PPP6R3: variants seen among roughly 807,000 people sequenced by gnomAD.
PPP6R3 encodes protein phosphatase 6 regulatory subunit 3.
A neutral mutation model predicts 110.7 loss-of-function variants in PPP6R3; 38 were observed. The observed-to-expected ratio is 0.34, with a 90% CI of 0.26 to 0.45. PPP6R3 has a LOEUF of 0.45. Ranked by LOEUF, PPP6R3 falls within the 20% of genes least tolerant of loss-of-function variation. PPP6R3 has a pLI of 1.00. For missense variants in PPP6R3, 870 were observed against 1,062.4 expected, an observed-to-expected ratio of 0.82 and a Z score of 2.52; for synonymous variants, 369 against 373.5, an observed-to-expected ratio of 0.99 and a Z score of 0.14.
intron 2 of PPP6R3, among the ~76,000 whole-genome samples, chr11:68,522,301 A>C (rs2099167973): frequency 6.6e-6 from 1 of 152,238 alleles, no homozygotes; most frequent in Non-Finnish European, 1.5e-5. Flanking sequence ...AATCTGTATG[A>C]GAATGGAGAG....
chr11:68,610,515 G>A (rs1253484024), intron 23 of PPP6R3, among the ~76,000 whole-genome samples: 1 of 152,192 alleles, frequency 6.6e-6, no homozygotes, highest in Non-Finnish European at 1.5e-5. Context: ...GTGCTTAAGT[G>A]ACTCCCTGTA....
intron 3 of PPP6R3, among the ~76,000 whole-genome samples, chr11:68,544,324 T>G (rs1236558897): frequency 6.6e-6 from 1 of 152,222 alleles, no homozygotes; most frequent in East Asian, 1.9e-4. Context: ...TCTTAAGATG[T>G]AATATAGACT....
chr11:68,589,507 TC>T (rs2099588980), intron 16 of PPP6R3, among the ~76,000 whole-genome samples: 1 of 152,218 alleles, frequency 6.6e-6, no homozygotes. Flanking sequence ...TGGTCTAGCA[TC>T]TGACATTGGG....
chr11:68,564,542 C>T, intron 9 of PPP6R3, 110 bp downstream of exon 9: 1 of 1,208,590 alleles, frequency 8.3e-7, no homozygotes. Flanking sequence ...TCTGCATGTA[C>T]AAAATGAGTG....
At chr11:68,542,371 G>A (rs1158256969) in intron 3 of PPP6R3, among the ~76,000 whole-genome samples, 1 of 137,458 alleles carries the variant, frequency 7.3e-6, no homozygotes, top group African/African-American at 2.8e-5. Context: ...GGCATCTTTG[G>A]GTGCTTGAGA....
chr11:68,615,312 G>A lies in PPP6R3; in HGVS notation c.*2195G>A. On this transcript the variant is annotated 3_prime_UTR_variant, in exon 24 of 24. Transcript: ENST00000393800. ...CTGTATTCAAAATAACAAAAATAAA[G>A]CCTGATTCTTTGTTTCTAGAAATCT... 2.8e-6 allele frequency: 1 copy of A among 353,342 alleles called. No individual in the cohort carries two copies. The highest frequency in any genetic ancestry group is 5.6e-6 in the Non-Finnish European group (1 of 179,366). 21.9% of individuals were successfully genotyped at this position (353,342 alleles called of 1,614,324 possible).
intron 19 of PPP6R3, among the ~76,000 whole-genome samples, chr11:68,597,602 TGAG>T (rs2099617900): frequency 6.6e-6 from 1 of 151,728 alleles, no homozygotes; most frequent in African/African-American, 2.4e-5. Flanking sequence ...CAGGGAGGTG[TGAG>T]GAGGAGACAG....
At chr11:68,476,270 G>A (rs565150869) in intron 1 of PPP6R3, among the ~76,000 whole-genome samples, 66 of 152,258 alleles carry the variant, frequency 4.3e-4, no homozygotes, top group African/African-American at 1.2e-3. Context: ...AGACCAGCCC[G>A]GCCAACACAG....
Position 68,613,833 on chromosome 11 carries a change from T to A in PPP6R3, c.*716T>A, listed in dbSNP as rs1052563818. 1.9e-5 allele frequency: 19 copies of A among 985,720 alleles called. No individual in the cohort carries two copies. The highest frequency in any genetic ancestry group is 1.9e-5 in the Non-Finnish European group (16 of 829,894). The allele number at this position is 985,720 out of a possible 1,614,324, so 61.1% of individuals were successfully genotyped here. A position where few individuals can be genotyped will look rare whatever the true frequency, so the allele number is the denominator to read the frequency against. On this transcript the variant is annotated 3_prime_UTR_variant, in exon 24 of 24. Transcript: ENST00000393800. Reference sequence around the variant, plus strand: ...ATGTTCTGTTCAAGTCTTGTTTGCTTGAAATGATTATTCCTACAAGTGAAA... The same window carrying A: ...ATGTTCTGTTCAAGTCTTGTTTGCTAGAAATGATTATTCCTACAAGTGAAA...
intron 22 of PPP6R3, among the ~76,000 whole-genome samples, chr11:68,605,057 T>C (rs1345545652): frequency 6.6e-6 from 1 of 152,200 alleles, no homozygotes; most frequent in Non-Finnish European, 1.5e-5. Context: ...TTAGTAAAGC[T>C]GGCCGAGTGT....
At chr11:68,546,954 ATTAT>A (rs2099351529) in intron 4 of PPP6R3, among the ~76,000 whole-genome samples, 1 of 152,110 alleles carries the variant, frequency 6.6e-6, no homozygotes. Flanking sequence ...TTGTGAGTGA[ATTAT>A]TTATGTGTCA....
intron 11 of PPP6R3, 145 bp downstream of exon 11, chr11:68,570,042 T>G (rs2099496741): frequency 4.1e-6 from 3 of 725,090 alleles, no homozygotes; most frequent in Non-Finnish European, 6.3e-6. Flanking sequence ...CGTTTCACTT[T>G]TAACATATAA....
intron 23 of PPP6R3, among the ~76,000 whole-genome samples, chr11:68,610,923 T>C (rs1379328577): frequency 1.3e-5 from 2 of 151,816 alleles, no homozygotes; most frequent in Non-Finnish European, 2.9e-5. Flanking sequence ...GAGCACTCTT[T>C]GTTGGTCCAA....
intron 21 of PPP6R3, among the ~76,000 whole-genome samples, chr11:68,602,417 A>C (rs530844256): frequency 2.0e-5 from 3 of 152,186 alleles, no homozygotes; most frequent in Non-Finnish European, 4.4e-5. Flanking sequence ...CTAAAGTTCC[A>C]GTGGGTTTTC....
chr11:68,588,842 AT>A (rs1295554395), intron 16 of PPP6R3, among the ~76,000 whole-genome samples: 1 of 151,892 alleles, frequency 6.6e-6, no homozygotes, highest in Admixed American at 6.6e-5. Flanking sequence ...TTGTTATTAG[AT>A]TACACTTTTA....
intron 1 of PPP6R3, among the ~76,000 whole-genome samples, chr11:68,480,130 G>C (rs1247476617): frequency 6.6e-6 from 1 of 151,976 alleles, no homozygotes; most frequent in Non-Finnish European, 1.5e-5. Flanking sequence ...ACTCTGTTTA[G>C]ATCTTATATT....
At chr11:68,560,245 A>T (rs1006358155) in intron 8 of PPP6R3, among the ~76,000 whole-genome samples, 1 of 152,250 alleles carries the variant, frequency 6.6e-6, no homozygotes, top group African/African-American at 2.4e-5. Flanking sequence ...GAGAAAAATA[A>T]TACAGAATAT....
intron 9 of PPP6R3, among the ~76,000 whole-genome samples, chr11:68,565,787 C>A (rs144612783): frequency 6.8e-6 from 1 of 147,988 alleles, no homozygotes; most frequent in Non-Finnish European, 1.5e-5. Flanking sequence ...ATGTCTGTCT[C>A]GGAGTACCGT....
intron 1 of PPP6R3, among the ~76,000 whole-genome samples, chr11:68,497,018 C>T (rs927131984): frequency 1.3e-5 from 2 of 150,892 alleles, no homozygotes; most frequent in African/African-American, 2.4e-5. Flanking sequence ...CCCACCTCCA[C>T]GCCCGGCTAA....
Sources: allele counts gnomAD v4.1 joint callset (sites outside exome capture counted in the v4.1 genomes callset), GRCh38; gene constraint gnomAD v4.1.1; transcripts MANE v1.5; gene names NCBI Gene and HGNC (gene_info 2026-07-23, HGNC 2026-07-21).